BRI3: variants seen among roughly 807,000 people sequenced by gnomAD.
The protein encoded by BRI3 is membrane protein BRI3.
Under a neutral mutation model 12.8 loss-of-function variants are expected in BRI3, and 6 were observed. The ratio of observed to expected loss-of-function variants is 0.47; its 90% CI spans 0.26 to 0.93. The LOEUF is 0.93. Among genes scored for constraint, BRI3 ranks in the 40% least tolerant of loss-of-function variants. BRI3 has a pLI of 0.15. For synonymous variants in BRI3, 91 were observed against 76.1 expected (o/e 1.20, Z -1.02); for missense variants, 134 against 171.1 (o/e 0.78, Z 1.21).
downstream of BRI3, chr7:98,294,096 T>G (rs149794421): frequency 7.4e-6 from 12 of 1,614,142 alleles, no homozygotes; most frequent in African/African-American, 1.3e-4. Context: ...GGCTTTGCAG[T>G]CCCGTTGGCA....
downstream of BRI3, chr7:98,292,777 A>C: frequency 6.5e-7 from 1 of 1,547,658 alleles, no homozygotes; most frequent in South Asian, 1.2e-5. Context: ...GTGAGAACAC[A>C]AGGAGCCGTG....
chr7:98,315,379 G>A (rs1801036528), downstream of BRI3: 3 of 1,272,930 alleles, frequency 2.4e-6, no homozygotes, highest in Admixed American at 9.2e-5. Flanking sequence ...TACAGGCGTG[G>A]GCCACGGCCC....
At chr7:98,312,387 G>T, downstream of BRI3, 2 of 1,085,060 alleles carry the variant, frequency 1.8e-6, no homozygotes, top group Non-Finnish European at 2.6e-6. Context: ...TGGGGGCCCT[G>T]GGTTAAACTC....
intron 1 of BRI3, among the ~76,000 whole-genome samples, 163 bp downstream of exon 1, chr7:98,282,100 C>T (rs1799537792): frequency 1.3e-5 from 2 of 152,168 alleles, no homozygotes; most frequent in South Asian, 4.1e-4. Context: ...CCAGCCTCCC[C>T]CCCGGGGCTC....
chr7:98,314,520 CAAAG>C, downstream of BRI3, among the ~76,000 whole-genome samples: 1 of 148,430 alleles, frequency 6.7e-6, no homozygotes, highest in South Asian at 2.2e-4. Context: ...TAATTTAAAA[CAAAG>C]GAAAGGAAAT....
downstream of BRI3, chr7:98,293,234 A>G (rs935407183): frequency 4.6e-5 from 16 of 344,086 alleles, no homozygotes; most frequent in African/African-American, 2.7e-4. Flanking sequence ...ATTCATTTAA[A>G]AAATACAGTA....
At chr7:98,311,396 T>C (rs1800863183), downstream of BRI3, among the ~76,000 whole-genome samples, 1 of 151,100 alleles carries the variant, frequency 6.6e-6, no homozygotes, top group Non-Finnish European at 1.5e-5. Flanking sequence ...ACAAAAAAAT[T>C]AGCCAGGCAT....
downstream of BRI3, among the ~76,000 whole-genome samples, chr7:98,296,049 G>A (rs1260682579): frequency 6.6e-6 from 1 of 152,086 alleles, no homozygotes; most frequent in Non-Finnish European, 1.5e-5. Flanking sequence ...GCCCAGACCA[G>A]AAACACCAGA....
chr7:98,313,705 A>T (rs1310521485), downstream of BRI3, among the ~76,000 whole-genome samples: 5 of 151,850 alleles, frequency 3.3e-5, no homozygotes, highest in African/African-American at 1.2e-4. Flanking sequence ...TGCAACCTCG[A>T]ACTCCTGGGC....
intron 1 of BRI3, among the ~76,000 whole-genome samples, chr7:98,298,587 T>C (rs1039965162): frequency 1.3e-5 from 2 of 152,074 alleles, no homozygotes; most frequent in Non-Finnish European, 2.9e-5. Context: ...CACTCCAGCC[T>C]GGGTGACAGA....
chr7:98,301,964 C>T (rs537185622), upstream of BRI3, among the ~76,000 whole-genome samples: 6 of 152,210 alleles, frequency 3.9e-5, no homozygotes, highest in South Asian at 1.0e-3. Flanking sequence ...TCAGGGCCCT[C>T]GGGGACAGTG....
At chr7:98,315,609 C>T in the BRI3 span, 49 of 1,185,238 alleles carry the variant, frequency 4.1e-5, no homozygotes, top group Middle Eastern at 4.9e-4. Context: ...ACGGTCTCCA[C>T]ATACTAAAAA....
At chr7:98,299,687 A>G (rs1800339802) in intron 1 of BRI3, among the ~76,000 whole-genome samples, 1 of 152,218 alleles carries the variant, frequency 6.6e-6, no homozygotes, top group Non-Finnish European at 1.5e-5. Flanking sequence ...ACACTGTACT[A>G]TTTTGTATGA....
chr7:98,317,229 T>C, the BRI3 span: 1 of 1,614,118 alleles, frequency 6.2e-7, no homozygotes, highest in African/African-American at 1.3e-5. Flanking sequence ...CTCAATTTCT[T>C]TGTGTTCATA....
At chr7:98,319,658 T>C in the BRI3 span, among the ~76,000 whole-genome samples, 1 of 151,424 alleles carries the variant, frequency 6.6e-6, no homozygotes, top group African/African-American at 2.4e-5. Flanking sequence ...GCCATTCTCC[T>C]GCCTCATCCT....
rs1395043524 is a variant in BRI3 at position 98,308,622 on chromosome 7, AAC to A, written n.1256_1257del. The A allele has an allele frequency of 3.0e-5, 7 of 232,968 alleles. No individual in the cohort carries two copies. In the East Asian group the frequency reaches 5.7e-4, roughly 19 times the overall value. 14.4% of individuals were successfully genotyped at this position (232,968 alleles called of 1,614,324 possible). A position where few individuals can be genotyped will look rare whatever the true frequency, so the allele number is the denominator to read the frequency against. ...GCTGTGCTGTTCATGTCTCCATTCA[AAC>A]ACAGGCTGATATTTCCACTCCAGGG... On this transcript the variant is annotated non_coding_transcript_exon_variant, in exon 2 of 2. Transcript: ENST00000485422.
intron 1 of BRI3, among the ~76,000 whole-genome samples, chr7:98,298,863 G>A (rs960643257): frequency 6.6e-6 from 1 of 152,016 alleles, no homozygotes; most frequent in East Asian, 2.0e-4. Flanking sequence ...TTGTTTTTGA[G>A]ACAGGTCTTG....
downstream of BRI3, among the ~76,000 whole-genome samples, chr7:98,297,134 T>C (rs545731459): frequency 2.6e-5 from 4 of 152,288 alleles, no homozygotes; most frequent in African/African-American, 4.8e-5. Flanking sequence ...CTGGAGACTA[T>C]AGAGCGAGGC....
At chr7:98,284,665 T>C (rs1199466056) in intron 2 of BRI3, among the ~76,000 whole-genome samples, 2 of 152,178 alleles carry the variant, frequency 1.3e-5, no homozygotes, top group Non-Finnish European at 2.9e-5. Context: ...AAGTCACACA[T>C]CTGTTAGTCC....
Sources: allele counts gnomAD v4.1 joint callset (sites outside exome capture counted in the v4.1 genomes callset), GRCh38; gene constraint gnomAD v4.1.1; transcripts MANE v1.5; gene names NCBI Gene and HGNC (gene_info 2026-07-23, HGNC 2026-07-21).